The following ANKDD1A variants were observed in gnomAD, a reference collection of about 807,000 sequenced individuals.
ANKDD1A encodes ankyrin repeat and death domain containing 1A.
ANKDD1A carries 59 observed loss-of-function variants against 63.5 expected under a neutral mutation model. The observed-to-expected ratio is 0.93, with a 90% CI of 0.75 to 1.15. The LOEUF (loss-of-function observed/expected upper bound fraction) is 1.15, where lower values mean the gene tolerates loss of function less well. Among genes scored for constraint, ANKDD1A ranks in the 50% most tolerant of loss-of-function variants. The pLI, the probability that ANKDD1A is intolerant of heterozygous loss-of-function variation, is 0.00. For missense variants in ANKDD1A, 632 were observed against 656.4 expected (o/e 0.96, Z 0.41); for synonymous variants, 266 against 263.9 (o/e 1.01, Z -0.08).
chr15:64,950,698 C>G, intron 14 of ANKDD1A: 1 of 941,356 alleles, frequency 1.1e-6, no homozygotes, highest in African/African-American at 2.0e-5. Flanking sequence ...GGAAATGTTT[C>G]TAGCATATTA....
chr15:64,950,674 A>G (rs1177740544), intron 14 of ANKDD1A: 2 of 979,494 alleles, frequency 2.0e-6, no homozygotes, highest in Middle Eastern at 5.2e-4. Context: ...ACATATTTCT[A>G]GTATATTGCT....
At chr15:64,918,876 C>G (rs1350906074) in intron 3 of ANKDD1A, among the ~76,000 whole-genome samples, 2 of 152,044 alleles carry the variant, frequency 1.3e-5, no homozygotes, top group Non-Finnish European at 2.9e-5. Flanking sequence ...ATCGCTGGAA[C>G]CTGGGAGACG....
intron 14 of ANKDD1A, among the ~76,000 whole-genome samples, chr15:64,953,363 T>C: frequency 7.0e-6 from 1 of 142,784 alleles, no homozygotes; most frequent in Non-Finnish European, 1.5e-5. Flanking sequence ...AGTTCTTCTT[T>C]CTTCTCCTTC....
In ANKDD1A at chr15:64,942,591, G is replaced by C. The variant is rs887367959; in HGVS notation, c.966+26G>C. On this transcript the variant is annotated intron_variant, in intron 10 of 14. Coordinates refer to ENST00000319580, the MANE Select transcript of ANKDD1A (RefSeq NM_182703.6). ...GTAAGTGGCTACAGAGACCTTCCGG[G>C]CCCCAGGGAGCTTCTGGAAACCCTC... 3.8e-6 allele frequency: 6 copies of C among 1,588,790 alleles called. No individual in the cohort carries two copies. In the South Asian group the frequency reaches 6.8e-5, roughly 18 times the overall value.
chr15:64,937,861 A>C (rs1021175446), intron 9 of ANKDD1A, among the ~76,000 whole-genome samples: 1 of 152,210 alleles, frequency 6.6e-6, no homozygotes, highest in African/African-American at 2.4e-5. Context: ...AGGAACCAAG[A>C]TTCTTTGGGA....
At chr15:64,945,696 G>A (rs1220379915) in intron 12 of ANKDD1A, among the ~76,000 whole-genome samples, 2 of 141,784 alleles carry the variant, frequency 1.4e-5, no homozygotes, top group African/African-American at 5.3e-5. Context: ...GCAGTGGTGC[G>A]ATCTCAGCTT....
chr15:64,943,655 G>A, intron 11 of ANKDD1A, 73 bp downstream of exon 11: 4 of 1,299,380 alleles, frequency 3.1e-6, no homozygotes, highest in Non-Finnish European at 4.4e-6. Context: ...TGCTACGAAT[G>A]CCCCCTCCCT....
At position 64,945,635 on chromosome 15, in the gene ANKDD1A, C is replaced by CTTT. The variant is rs1264262046; in HGVS notation, c.1161+901_1161+903dup. 2.6e-4 allele frequency among the ~76,000 whole-genome samples: 22 copies of CTTT among 85,380 alleles called. No homozygotes were observed. The South Asian group carries it at 2.9e-3, about 11-fold the overall frequency. The allele number at this position is 85,380 out of a possible 152,430, so 56.0% of individuals were successfully genotyped here. A position where few individuals can be genotyped will look rare whatever the true frequency, so the allele number is the denominator to read the frequency against. On this transcript the variant is annotated intron_variant, in intron 12 of 14. Transcript: ENST00000319580. Reference sequence around the variant, plus strand: ...ATATATATATATATATATATATGAACTTTTTTTTTTTTTTTGAGACGGAGT... The same window carrying CTTT: ...ATATATATATATATATATATATGAACTTTTTTTTTTTTTTTTTTGAGACGGAGT...
intron 8 of ANKDD1A, chr15:64,931,819 T>C (rs2085093903): frequency 1.7e-6 from 1 of 599,328 alleles, no homozygotes; most frequent in Non-Finnish European, 3.0e-6. Flanking sequence ...CTTTTTTACA[T>C]TGTTGTGAGG....
chr15:64,944,769 T>C (rs754743281), intron 12 of ANKDD1A, 22 bp downstream of exon 12: 4 of 1,610,156 alleles, frequency 2.5e-6, no homozygotes, highest in Non-Finnish European at 3.4e-6. Flanking sequence ...TCACGCTTGA[T>C]CTTTCCTCAT....
At chr15:64,917,322 T>G (rs1456624653) in intron 2 of ANKDD1A, 64 bp from the exon 3 acceptor site, 2 of 1,524,582 alleles carry the variant, frequency 1.3e-6, no homozygotes, top group African/African-American at 1.4e-5. Context: ...GGGGAGGGTG[T>G]GGGAGGTGGT....
At chr15:64,914,497 T>C (rs2084955299) in intron 1 of ANKDD1A, among the ~76,000 whole-genome samples, 1 of 152,256 alleles carries the variant, frequency 6.6e-6, no homozygotes, top group Non-Finnish European at 1.5e-5. Flanking sequence ...TTTTGCTTTT[T>C]AGCCCAGGCT....
At chr15:64,922,482 A>G (rs1302922881) in intron 4 of ANKDD1A, 1 of 153,470 alleles carries the variant, frequency 6.5e-6, no homozygotes, top group Non-Finnish European at 1.5e-5. Context: ...CTAACCTTTT[A>G]GGGTGTCAGT....
At position 64,930,982 on chromosome 15, in the gene ANKDD1A, A is replaced by ACC. The variant is rs552673433; in HGVS notation, c.669+66_669+67dup. Reference sequence around the variant, plus strand: ...CTTGCTTGCTCTCTGCCTTCGAGGAACCCCCACCAGTCCATGGTGAAGTCT... The same window carrying ACC: ...CTTGCTTGCTCTCTGCCTTCGAGGAACCCCCCCACCAGTCCATGGTGAAGTCT... On this transcript the variant is annotated intron_variant, in intron 7 of 14. Coordinates refer to ENST00000319580, the MANE Select transcript of ANKDD1A (RefSeq NM_182703.6). The ACC allele has an allele frequency of 1.0e-4, 154 of 1,529,924 alleles. No homozygotes were observed. In the African/African-American group the frequency reaches 1.8e-3, roughly 18 times the overall value. The allele number at this position is 1,529,924 out of a possible 1,614,324, so 94.8% of individuals were successfully genotyped here.
chr15:64,956,261 T>G, intron 14 of ANKDD1A, among the ~76,000 whole-genome samples: 1 of 150,374 alleles, frequency 6.7e-6, no homozygotes, highest in Non-Finnish European at 1.5e-5. Context: ...TTGAAACAGT[T>G]TAGCTTGGCC....
chr15:64,937,267 G>C (rs2085141489), intron 9 of ANKDD1A, among the ~76,000 whole-genome samples: 1 of 152,128 alleles, frequency 6.6e-6, no homozygotes. Flanking sequence ...AACAAATCTA[G>C]GAATTTATTT....
chr15:64,954,824 CTTTTTGTTG>C (rs2085398848), intron 14 of ANKDD1A, among the ~76,000 whole-genome samples: 1 of 145,724 alleles, frequency 6.9e-6, no homozygotes, highest in Non-Finnish European at 1.5e-5. Context: ...TCTTCTCCTT[CTTTTTGTTG>C]TTCTTTCTTC....
At chr15:64,953,194 CTTA>C (rs1343352031) in intron 14 of ANKDD1A, among the ~76,000 whole-genome samples, 9 of 92,616 alleles carry the variant, frequency 9.7e-5, no homozygotes, top group Non-Finnish European at 1.7e-4. Flanking sequence ...TCTTCCTCTT[CTTA>C]TTCTTTCTTC....
intron 14 of ANKDD1A, chr15:64,951,542 C>CT (rs1211083399): frequency 9.2e-5 from 7 of 76,470 alleles, no homozygotes; most frequent in South Asian, 8.4e-4. Context: ...CTTCCCTCTT[C>CT]TTTCTTCTCT....
Sources: allele counts gnomAD v4.1 joint callset (sites outside exome capture counted in the v4.1 genomes callset), GRCh38; gene constraint gnomAD v4.1.1; transcripts MANE v1.5; gene names NCBI Gene and HGNC (gene_info 2026-07-23, HGNC 2026-07-21).